Variants in SRGAP2C observed in about 807,000 individuals in gnomAD.
The protein encoded by SRGAP2C is SLIT-ROBO Rho GTPase-activating protein 2C.
SRGAP2C carries 15 observed loss-of-function variants against 25.1 expected under a neutral mutation model. The ratio of observed to expected loss-of-function variants is 0.60; its 90% CI spans 0.40 to 0.92. The LOEUF (loss-of-function observed/expected upper bound fraction) is 0.92, where lower values mean the gene tolerates loss of function less well. Among genes scored for constraint, SRGAP2C ranks in the 40% least tolerant of loss-of-function variants. The pLI is 0.00. For missense variants in SRGAP2C, 144 were observed against 264.4 expected (o/e 0.54, Z 3.16); for synonymous variants, 44 against 96.6 (o/e 0.46, Z 3.19).
intron 3 of SRGAP2C, among the ~76,000 whole-genome samples, chr1:121,322,147 C>A (rs1329714696): frequency 6.7e-6 from 1 of 150,026 alleles, no homozygotes; most frequent in South Asian, 2.1e-4. Context: ...CCCCCCCAAT[C>A]CATCTTCTTC....
rs1657304209 is a variant in SRGAP2C at position 121,283,839 on chromosome 1, T to C, written c.68-964T>C. Among the ~76,000 whole-genome samples the C allele has an allele frequency of 4.0e-5, 6 of 151,710 alleles. 1 individual carries two copies. In the South Asian group the frequency reaches 1.2e-3, roughly 32 times the overall value. ...TACTGCTTCCTGTGAGTGCCAGGTC[T>C]CTTGTCAGTAACAAATGCAGTGCTG... On this transcript the variant is annotated intron_variant, in intron 2 of 9. Coordinates refer to ENST00000367123, the MANE Select transcript of SRGAP2C (RefSeq NM_001329984.2).
At chr1:121,362,564 G>C (rs1553348791) in intron 4 of SRGAP2C, among the ~76,000 whole-genome samples, 3 of 150,904 alleles carry the variant, frequency 2.0e-5, no homozygotes, top group Non-Finnish European at 4.4e-5. Flanking sequence ...CAACAGGGTA[G>C]AGGAATAGGA....
chr1:121,306,053 G>A (rs1368314757), intron 3 of SRGAP2C, among the ~76,000 whole-genome samples: 102 of 152,264 alleles, frequency 6.7e-4, no homozygotes, highest in African/African-American at 2.3e-3. Context: ...CTAGGACTAG[G>A]GACCTTATGT....
chr1:121,353,130 A>AAACTGT (rs1223839464), intron 4 of SRGAP2C, among the ~76,000 whole-genome samples: 5 of 147,458 alleles, frequency 3.4e-5, no homozygotes, highest in Non-Finnish European at 7.5e-5. Context: ...ATCTAAGTGA[A>AAACTGT]TAATCACTGT....
At chr1:121,367,927 T>A (rs2580462) in intron 5 of SRGAP2C, among the ~76,000 whole-genome samples, 1 of 124,678 alleles carries the variant, frequency 8.0e-6, no homozygotes, top group African/African-American at 3.2e-5. Context: ...ACAAAAAAAA[T>A]TAGCTGGGCA....
Position 121,390,865 on chromosome 1 carries a change from A to T in SRGAP2C, c.*3010A>T, listed in dbSNP as rs1660055255. 1.3e-5 allele frequency: 2 copies of T among 151,198 alleles called. No individual in the cohort carries two copies. Among genetic ancestry groups the T allele is most frequent in the African/African-American group, 4.9e-5 (2 of 41,018 alleles). 9.4% of individuals were successfully genotyped at this position (151,198 alleles called of 1,614,324 possible). A position where few individuals can be genotyped will look rare whatever the true frequency, so the allele number is the denominator to read the frequency against. On this transcript the variant is annotated 3_prime_UTR_variant, in exon 10 of 10. Coordinates refer to ENST00000367123, the MANE Select transcript of SRGAP2C (RefSeq NM_001329984.2). ...AGACCAGCCTGGACAATGTGGTGAA[A>T]CCCTGTCTCTACTAAAAACACAAAA...
chr1:121,377,749 GT>G (rs1553353782), intron 7 of SRGAP2C, among the ~76,000 whole-genome samples: 1 of 102,712 alleles, frequency 9.7e-6, no homozygotes, highest in Non-Finnish European at 1.9e-5. Context: ...GTCATAGGCT[GT>G]AAGACAACAT....
At chr1:121,356,957 C>T (rs587670626) in intron 4 of SRGAP2C, among the ~76,000 whole-genome samples, 26 of 152,068 alleles carry the variant, frequency 1.7e-4, no homozygotes, top group African/African-American at 6.0e-4. Flanking sequence ...GAGCAGAGGG[C>T]CATTAGCCTC....
chr1:121,343,764 T>C (rs1658682060), intron 4 of SRGAP2C, among the ~76,000 whole-genome samples: 1 of 145,572 alleles, frequency 6.9e-6, no homozygotes, highest in African/African-American at 2.6e-5. Flanking sequence ...TGCTGCTCCC[T>C]GGTGATTCAG....
intron 3 of SRGAP2C, among the ~76,000 whole-genome samples, chr1:121,315,284 C>T (rs1232431275): frequency 2.8e-4 from 42 of 152,088 alleles, no homozygotes; most frequent in Non-Finnish European, 5.1e-4. Context: ...GCCAGGAGTA[C>T]AGGCACGTGT....
chr1:121,217,227 A>T (rs1558083789), intron 2 of SRGAP2C, among the ~76,000 whole-genome samples: 1 of 151,690 alleles, frequency 6.6e-6, no homozygotes, highest in Non-Finnish European at 1.5e-5. Context: ...TCATCCTCTC[A>T]TTGAGGATCC....
chr1:121,365,729 G>A lies in SRGAP2C; in HGVS notation c.486+374G>A, dbSNP rs1262927060. ...ATTGCACTATTAATATGTGCCTGTC[G>A]GAAAGGCTTTATTGTTCTAGGTTTT... is the stretch of plus-strand genomic sequence containing the variant. On this transcript the variant is annotated intron_variant, in intron 5 of 9. Coordinates refer to ENST00000367123, the MANE Select transcript of SRGAP2C (RefSeq NM_001329984.2). 9.9e-5 allele frequency among the ~76,000 whole-genome samples: 9 copies of A among 90,980 alleles called. 3 individuals carry two copies. The highest frequency in any genetic ancestry group is 2.8e-4 in the African/African-American group (7 of 25,048). The allele number at this position is 90,980 out of a possible 152,430, so 59.7% of individuals were successfully genotyped here.
intron 3 of SRGAP2C, among the ~76,000 whole-genome samples, chr1:121,298,256 G>T (rs1183711976): frequency 2.0e-5 from 3 of 151,868 alleles, no homozygotes; most frequent in African/African-American, 7.3e-5. Flanking sequence ...TCATAATCAT[G>T]AAGAGGAAGA....
intron 2 of SRGAP2C, among the ~76,000 whole-genome samples, chr1:121,218,783 C>T (rs1397424748): frequency 3.3e-5 from 5 of 152,058 alleles, no homozygotes; most frequent in African/African-American, 1.2e-4. Context: ...CACGTATTCA[C>T]AAATCTTTTT....
intron 4 of SRGAP2C, among the ~76,000 whole-genome samples, chr1:121,359,485 T>A (rs1325684943): frequency 6.6e-6 from 1 of 151,856 alleles, no homozygotes; most frequent in Non-Finnish European, 1.5e-5. Flanking sequence ...TGAAAACAAT[T>A]TTTTTAAAAA....
At chr1:121,356,827 C>A (rs1189511719) in intron 4 of SRGAP2C, among the ~76,000 whole-genome samples, 1 of 151,654 alleles carries the variant, frequency 6.6e-6, no homozygotes, top group East Asian at 2.0e-4. Context: ...ATTTGATTGT[C>A]TGTTTTAAGG....
chr1:121,362,716 C>T (rs587728027), intron 4 of SRGAP2C: 99 of 150,918 alleles, frequency 6.6e-4, no homozygotes, highest in African/African-American at 2.2e-3. Flanking sequence ...GTTGCTGACT[C>T]TGGGGCTCAG....
chr1:121,378,893 G>A (rs1202517362), intron 7 of SRGAP2C, among the ~76,000 whole-genome samples: 6 of 152,192 alleles, frequency 3.9e-5, no homozygotes, highest in Admixed American at 3.3e-4. Context: ...AGGAATCCAC[G>A]TGAGGCATCT....
intron 2 of SRGAP2C, among the ~76,000 whole-genome samples, chr1:121,267,263 G>C (rs1414747417): frequency 6.6e-6 from 1 of 150,528 alleles, no homozygotes; most frequent in Non-Finnish European, 1.5e-5. Flanking sequence ...GTGTGATCTC[G>C]GCTCAGTGCA....
Sources: allele counts gnomAD v4.1 joint callset (sites outside exome capture counted in the v4.1 genomes callset), GRCh38; gene constraint gnomAD v4.1.1; transcripts MANE v1.5; gene names NCBI Gene and HGNC (gene_info 2026-07-23, HGNC 2026-07-21).